Variants in CACNA2D1 observed in about 807,000 individuals in gnomAD.
CACNA2D1 encodes calcium voltage-gated channel auxiliary subunit alpha2delta 1.
Under a neutral mutation model 171.5 loss-of-function variants are expected in CACNA2D1, and 53 were observed. That is an observed-to-expected ratio of 0.31 (90% confidence interval 0.25 to 0.39). CACNA2D1 has a LOEUF of 0.39. Among genes scored for constraint, CACNA2D1 ranks in the 10% least tolerant of loss-of-function variants. The pLI is 1.00. For synonymous variants in CACNA2D1, 442 were observed against 443.1 expected, an observed-to-expected ratio of 1.00 and a Z score of 0.03; for missense variants, 903 against 1,299.8, an observed-to-expected ratio of 0.69 and a Z score of 4.69.
chr7:81,972,789 C>T (rs1795422227), intron 25 of CACNA2D1, among the ~76,000 whole-genome samples: 1 of 151,904 alleles, frequency 6.6e-6, no homozygotes, highest in African/African-American at 2.4e-5. Context: ...AATATATGTT[C>T]TTAACATCCT....
At chr7:82,207,877 G>A (rs1800170561) in intron 3 of CACNA2D1, among the ~76,000 whole-genome samples, 1 of 152,080 alleles carries the variant, frequency 6.6e-6, no homozygotes, top group South Asian at 2.1e-4. Flanking sequence ...CATATATATT[G>A]AAAAACATGC....
At chr7:82,323,926 G>A (rs1816309627) in intron 3 of CACNA2D1, among the ~76,000 whole-genome samples, 2 of 152,096 alleles carry the variant, frequency 1.3e-5, no homozygotes, top group African/African-American at 4.8e-5. Flanking sequence ...CATTAATTGT[G>A]CTTTCTATCT....
intron 3 of CACNA2D1, among the ~76,000 whole-genome samples, chr7:82,173,283 G>C (rs1353283136): frequency 6.6e-6 from 1 of 151,956 alleles, no homozygotes; most frequent in African/African-American, 2.4e-5. Flanking sequence ...TATGTATTTT[G>C]AACACTAATT....
chr7:82,170,484 T>C, intron 4 of CACNA2D1, 66 bp downstream of exon 4: 1 of 992,980 alleles, frequency 1.0e-6, no homozygotes, highest in Non-Finnish European at 1.6e-6. Context: ...TATTTTAATA[T>C]GCATGTAATT....
At chr7:82,301,156 C>T (rs1812951639) in intron 3 of CACNA2D1, among the ~76,000 whole-genome samples, 1 of 151,984 alleles carries the variant, frequency 6.6e-6, no homozygotes, top group Admixed American at 6.6e-5. Context: ...GATGGAGTTT[C>T]ACTCTTGTTG....
intron 8 of CACNA2D1, among the ~76,000 whole-genome samples, chr7:82,065,800 G>A (rs1184729845): frequency 6.6e-6 from 1 of 151,962 alleles, no homozygotes; most frequent in Non-Finnish European, 1.5e-5. Context: ...AAAAGTGTGG[G>A]ATACAAAGCA....
At chr7:81,963,856 G>A (rs1245157067) in intron 34 of CACNA2D1, among the ~76,000 whole-genome samples, 200 bp downstream of exon 34, 1 of 151,964 alleles carries the variant, frequency 6.6e-6, no homozygotes, top group Admixed American at 6.6e-5. Flanking sequence ...GTTTTCATAT[G>A]AGAAACTGAA....
chr7:81,978,753 GTATA>G (rs1554336413), intron 24 of CACNA2D1, among the ~76,000 whole-genome samples: 2 of 139,476 alleles, frequency 1.4e-5, no homozygotes, highest in Non-Finnish European at 3.1e-5. Context: ...TTTAAAAAGT[GTATA>G]TATATATATA....
intron 1 of CACNA2D1, among the ~76,000 whole-genome samples, chr7:82,351,511 C>T (rs185711359): frequency 6.6e-6 from 1 of 151,898 alleles, no homozygotes; most frequent in Admixed American, 6.6e-5. Flanking sequence ...TACATTAAAA[C>T]TAGGAATACT....
At chr7:82,313,529 A>G (rs2129434248) in intron 3 of CACNA2D1, among the ~76,000 whole-genome samples, 1 of 152,264 alleles carries the variant, frequency 6.6e-6, no homozygotes, top group African/African-American at 2.4e-5. Flanking sequence ...TCATCTGCCT[A>G]ATGAGACCAC....
At chr7:82,392,790 C>T (rs1825282200) in intron 1 of CACNA2D1, among the ~76,000 whole-genome samples, 1 of 151,904 alleles carries the variant, frequency 6.6e-6, no homozygotes, top group Non-Finnish European at 1.5e-5. Flanking sequence ...GGTCTTTTCC[C>T]ATATCAATAC....
intron 10 of CACNA2D1, among the ~76,000 whole-genome samples, chr7:82,056,358 A>T (rs1210765906): frequency 6.6e-6 from 1 of 152,136 alleles, no homozygotes; most frequent in Non-Finnish European, 1.5e-5. Flanking sequence ...ATGAGGATGG[A>T]CCTATGGAGG....
intron 12 of CACNA2D1, among the ~76,000 whole-genome samples, chr7:82,032,569 T>C (rs1294156728): frequency 6.6e-6 from 1 of 151,854 alleles, no homozygotes; most frequent in Non-Finnish European, 1.5e-5. Context: ...CCCATACATA[T>C]ACTTTATTAA....
At chr7:82,117,013 T>C in intron 6 of CACNA2D1, 31 bp downstream of exon 6, 4 of 1,611,926 alleles carry the variant, frequency 2.5e-6, no homozygotes, top group Non-Finnish European at 8.5e-7. Context: ...GAGCATGGTA[T>C]TCCAACAGAT....
intron 6 of CACNA2D1, among the ~76,000 whole-genome samples, chr7:82,116,509 C>T (rs539463060): frequency 6.6e-6 from 1 of 152,240 alleles, no homozygotes; most frequent in South Asian, 2.1e-4. Context: ...CTTCTTTTGG[C>T]TGGAAGCCCA....
intron 3 of CACNA2D1, among the ~76,000 whole-genome samples, chr7:82,288,590 T>C (rs1811141022): frequency 1.3e-5 from 2 of 152,174 alleles, no homozygotes; most frequent in South Asian, 4.1e-4. Flanking sequence ...CTGAAGACAC[T>C]GATTTAATAT....
chr7:82,302,077 G>C (rs181764435), intron 3 of CACNA2D1, among the ~76,000 whole-genome samples: 1 of 152,166 alleles, frequency 6.6e-6, no homozygotes, highest in Admixed American at 6.6e-5. Flanking sequence ...ATATTTTATA[G>C]ACAGAATATA....
intron 3 of CACNA2D1, among the ~76,000 whole-genome samples, chr7:82,235,658 C>T (rs1340275146): frequency 1.3e-5 from 2 of 152,034 alleles, no homozygotes; most frequent in Non-Finnish European, 2.9e-5. Context: ...AAATTTCATG[C>T]CATATCTTTC....
chr7:82,176,326 T>C (rs1315325688), intron 3 of CACNA2D1, among the ~76,000 whole-genome samples: 4 of 152,018 alleles, frequency 2.6e-5, no homozygotes, highest in African/African-American at 9.6e-5. Context: ...AACTAGATAA[T>C]GGGAAACAAT....
Sources: allele counts gnomAD v4.1 joint callset (sites outside exome capture counted in the v4.1 genomes callset), GRCh38; gene constraint gnomAD v4.1.1; transcripts MANE v1.5; gene names NCBI Gene and HGNC (gene_info 2026-07-23, HGNC 2026-07-21).